Variants in KDM4B observed in about 807,000 individuals in gnomAD.
KDM4B encodes the protein lysine demethylase 4B, also known as lysine-specific demethylase 4B.
KDM4B carries 32 observed loss-of-function variants against 125.2 expected under a neutral mutation model. That is an observed-to-expected ratio of 0.26 (90% CI 0.19 to 0.34). KDM4B has a LOEUF of 0.34. Among genes scored for constraint, KDM4B ranks in the 10% least tolerant of loss-of-function variants. The pLI, the probability that KDM4B is intolerant of heterozygous loss-of-function variation, is 1.00. For missense variants in KDM4B, 1,190 were observed against 1,577.7 expected, an observed-to-expected ratio of 0.75 and a Z score of 4.16; for synonymous variants, 721 against 677.9, an observed-to-expected ratio of 1.06 and a Z score of -0.99.
At chr19:5,136,810 G>T (rs991723494) in intron 15 of KDM4B, among the ~76,000 whole-genome samples, 2 of 152,198 alleles carry the variant, frequency 1.3e-5, no homozygotes, top group Admixed American at 1.3e-4. Flanking sequence ...TCGCTCTGGG[G>T]GCATGATTCG....
intron 7 of KDM4B, among the ~76,000 whole-genome samples, chr19:5,072,924 C>T (rs577425247): frequency 1.3e-5 from 2 of 152,292 alleles, no homozygotes; most frequent in African/African-American, 4.8e-5. Context: ...CTTCCCTTCT[C>T]CAGCATCTAG....
intron 1 of KDM4B, among the ~76,000 whole-genome samples, chr19:4,983,561 G>A (rs1429030900): frequency 1.3e-5 from 2 of 152,208 alleles, no homozygotes; most frequent in East Asian, 3.9e-4. Context: ...GGGGCCAAGG[G>A]GTCCTGGCGG....
chr19:5,092,538 C>G (rs899837817), intron 9 of KDM4B, among the ~76,000 whole-genome samples: 2 of 152,202 alleles, frequency 1.3e-5, no homozygotes, highest in Non-Finnish European at 2.9e-5. Context: ...TTTTCTAGAC[C>G]GAGGCTCGTG....
Position 5,110,627 on chromosome 19 carries a change from G to C in KDM4B, c.924G>C (p.Thr308=). 2 of 1,612,886 alleles carry C rather than the reference G, an allele frequency of 1.2e-6. No individual in the cohort carries two copies. Among genetic ancestry groups the C allele is most frequent in the Non-Finnish European group, 1.7e-6 (2 of 1,179,848 alleles). The change falls in exon 10 of 23, where the codon ACG becomes ACC. Residue 308 remains threonine, a synonymous_variant. Transcript: ENST00000159111. Reference sequence around the variant, plus strand: ...GACCGTGTCCCCTGCCGCAGTGCACGTGCCGGAAGGACATGGTCAAGATCT... The same window carrying C: ...GACCGTGTCCCCTGCCGCAGTGCACCTGCCGGAAGGACATGGTCAAGATCT... ...IDYGKVATQC[T]CRKDMVKISM... is the part of the protein sequence containing the mutation.
chr19:5,137,579 T>G, intron 16 of KDM4B, 42 bp from the exon 17 acceptor site: 1 of 1,578,322 alleles, frequency 6.3e-7, no homozygotes, highest in Non-Finnish European at 8.6e-7. Flanking sequence ...GTGGGGAGCC[T>G]GCTCCGAGCC....
chr19:5,017,019 G>A (rs2035912958), intron 2 of KDM4B, among the ~76,000 whole-genome samples: 1 of 152,244 alleles, frequency 6.6e-6, no homozygotes, highest in South Asian at 2.1e-4. Flanking sequence ...AGGCAGAGGT[G>A]GCAGTGGCAG....
chr19:5,111,538 A>G (rs1336176605), intron 10 of KDM4B: 1 of 763,750 alleles, frequency 1.3e-6, no homozygotes, highest in African/African-American at 1.7e-5. Context: ...TCATGCCCAG[A>G]GTGAAGGCGA....
intron 11 of KDM4B, among the ~76,000 whole-genome samples, chr19:5,127,933 C>T (rs1252328034): frequency 2.1e-5 from 3 of 145,126 alleles, no homozygotes; most frequent in African/African-American, 5.2e-5. Flanking sequence ...CCCCAGGGAC[C>T]CTCTGAGCAG....
At chr19:5,135,667 T>A in intron 15 of KDM4B, 106 bp downstream of exon 15, 1 of 971,868 alleles carries the variant, frequency 1.0e-6, no homozygotes, top group Non-Finnish European at 1.5e-6. Context: ...CACCGGCCCC[T>A]CTCCCCAGGC....
chr19:5,019,967 T>G (rs2036050177), intron 2 of KDM4B, among the ~76,000 whole-genome samples: 1 of 138,542 alleles, frequency 7.2e-6, no homozygotes, highest in Non-Finnish European at 1.5e-5. Context: ...GGTGTTAGTG[T>G]GCAGGTGTTG....
At chr19:5,151,274 T>G (rs1265651596) in intron 22 of KDM4B, 61 bp from the exon 23 acceptor site, 3 of 1,340,126 alleles carry the variant, frequency 2.2e-6, no homozygotes, top group Non-Finnish European at 1.9e-6. Context: ...CCATAGACAG[T>G]GGCTGGGGCC....
rs1402215045 is a variant in KDM4B at position 5,142,990 on chromosome 19, C to T, written c.2551-977C>T. ...GGATGAAAGGTGGCTCTCCGGTGCTCCCTCCTCACCAAGGAGGCTTCTCTC... is the reference window on the plus strand; with the variant it reads ...GGATGAAAGGTGGCTCTCCGGTGCTTCCTCCTCACCAAGGAGGCTTCTCTC... On this transcript the variant is annotated intron_variant, in intron 18 of 22. Transcript: ENST00000159111. This position sits in a 1 kb window ranked among gnomAD's most constrained non-coding sequence, Gnocchi z 5.4. Among the ~76,000 whole-genome samples, 2 of 151,920 alleles carry T rather than the reference C, an allele frequency of 1.3e-5. No homozygotes were observed. Among genetic ancestry groups the T allele is most frequent in the Admixed American group, 6.5e-5 (1 of 15,268 alleles).
intron 1 of KDM4B, among the ~76,000 whole-genome samples, chr19:4,995,882 G>T (rs767679640): frequency 3.3e-5 from 5 of 152,200 alleles, no homozygotes; most frequent in Admixed American, 6.5e-5. Flanking sequence ...GGTCGCCGCG[G>T]TGTCACGCGT....
chr19:5,053,567 T>C (rs1190371004), intron 6 of KDM4B, among the ~76,000 whole-genome samples: 1 of 152,138 alleles, frequency 6.6e-6, no homozygotes, highest in Non-Finnish European at 1.5e-5. Flanking sequence ...CAGCACTTCC[T>C]CCCTGGCTCA....
rs1181024913 is a variant in KDM4B, at chr19:5,008,367, C to T, written c.-108-7890C>T. Reference sequence around the variant, plus strand: ...GGACTCTCAGCTTTCTCCCGTTTATCTAATGTCTGTACTTATGCCAGTACC... The same window carrying T: ...GGACTCTCAGCTTTCTCCCGTTTATTTAATGTCTGTACTTATGCCAGTACC... On this transcript the variant is annotated intron_variant, in intron 1 of 22. Coordinates refer to ENST00000159111, the MANE Select transcript of KDM4B (RefSeq NM_015015.3). 3.3e-5 allele frequency among the ~76,000 whole-genome samples: 5 copies of T among 152,138 alleles called. No homozygotes were observed. In the South Asian group the frequency reaches 6.2e-4, roughly 19 times the overall value.
intron 21 of KDM4B, 114 bp downstream of exon 21, chr19:5,145,016 T>C: frequency 7.0e-7 from 1 of 1,426,424 alleles, no homozygotes. Context: ...CACTGGCGGG[T>C]GTGGGCCATG....
At chr19:5,003,169 C>G (rs1170064707) in intron 1 of KDM4B, among the ~76,000 whole-genome samples, 2 of 152,134 alleles carry the variant, frequency 1.3e-5, no homozygotes, top group Non-Finnish European at 2.9e-5. Flanking sequence ...GAATGGCTAC[C>G]CTGTTGTCCC....
intron 5 of KDM4B, among the ~76,000 whole-genome samples, chr19:5,042,036 C>T (rs529002950): frequency 5.3e-5 from 8 of 152,360 alleles, no homozygotes; most frequent in South Asian, 2.1e-4. Flanking sequence ...GAGACGCCCC[C>T]GACATGGAGC....
At chr19:5,027,247 A>G (rs1403468879) in intron 2 of KDM4B, among the ~76,000 whole-genome samples, 1 of 152,238 alleles carries the variant, frequency 6.6e-6, no homozygotes, top group Non-Finnish European at 1.5e-5. Context: ...AAACATGCAC[A>G]GCAGGCACTG....
Sources: gnomAD v4.1 joint callset for allele counts (sites outside exome capture counted in the v4.1 genomes callset) on GRCh38, gnomAD v4.1.1 for gene constraint, Gnocchi (gnomAD v3.1) non-coding constraint, MANE v1.5 for transcripts, NCBI Gene and HGNC (gene_info 2026-07-23, HGNC 2026-07-21) for gene names.